Variants in PROS1 observed in about 807,000 individuals in gnomAD.
PROS1 encodes the protein vitamin K-dependent protein S.
A neutral mutation model predicts 75.9 loss-of-function variants in PROS1; 29 were observed. The ratio of observed to expected loss-of-function variants is 0.38; its 90% confidence interval spans 0.28 to 0.52. PROS1 has a LOEUF of 0.52. PROS1 is among the 20% of genes least tolerant of loss of function. The pLI is 0.83. For synonymous variants in PROS1, 245 were observed against 280.6 expected (o/e 0.87, Z 1.27); for missense variants, 680 against 810.3 (o/e 0.84, Z 1.95).
rs571772261 is a variant in PROS1 at position 93,884,868 on chromosome 3, C to T, written c.1352G>A (p.Arg451Gln). 2.0e-5 allele frequency: 33 copies of T among 1,613,084 alleles called. No individual in the cohort carries two copies. Among genetic ancestry groups the T allele is most frequent in the Admixed American group, 1.8e-4 (11 of 59,898 alleles). The stretch of plus-strand genomic sequence containing the variant: ...TCCTTGCTTCATCAAATTCCAGCTT[C>T]GTATACATCCATCTAGACGAGGGTT... ...PINPRLDGCI[R>Q]SWNLMKQGAS... Residue 451 changes from arginine to glutamine, a missense_variant, in exon 12 of 15, where the codon CGA (arginine) becomes CAA (glutamine). Physicochemically the swap from Arg to Gln is conservative, Grantham distance 43. Transcript: ENST00000394236.
At chr3:93,908,413 G>C (rs1485699116) in intron 4 of PROS1, among the ~76,000 whole-genome samples, 1 of 152,170 alleles carries the variant, frequency 6.6e-6, no homozygotes, top group South Asian at 2.1e-4. Context: ...CCTGGGTTGA[G>C]AAAACAAATA....
At chr3:93,932,346 C>T (rs187972373) in intron 1 of PROS1, among the ~76,000 whole-genome samples, 195 of 152,294 alleles carry the variant, frequency 1.3e-3, no homozygotes, top group African/African-American at 4.5e-3. Context: ...AGCATCCAAA[C>T]CCTGTCCTCT....
At chr3:93,955,562 A>G (rs1709584967) in intron 1 of PROS1, among the ~76,000 whole-genome samples, 1 of 150,662 alleles carries the variant, frequency 6.6e-6, no homozygotes. Context: ...AACATAACAC[A>G]GGACGGCCTG....
At chr3:93,913,309 G>C (rs1411147242) in intron 3 of PROS1, among the ~76,000 whole-genome samples, 1 of 152,232 alleles carries the variant, frequency 6.6e-6, no homozygotes, top group Non-Finnish European at 1.5e-5. Flanking sequence ...GGCAGGGCCA[G>C]GTGGAGATAA....
intron 1 of PROS1, among the ~76,000 whole-genome samples, chr3:93,942,803 C>T (rs1004686965): frequency 9.9e-5 from 15 of 152,184 alleles, no homozygotes; most frequent in African/African-American, 2.4e-4. Context: ...AATCACTTCT[C>T]AGTGTTCCAT....
chr3:93,936,259 T>C (rs758729525), intron 1 of PROS1, among the ~76,000 whole-genome samples: 3 of 151,960 alleles, frequency 2.0e-5, no homozygotes, highest in Non-Finnish European at 4.4e-5. Flanking sequence ...CTGATGACTA[T>C]TAAAGGGGGA....
intron 1 of PROS1, among the ~76,000 whole-genome samples, chr3:93,969,888 G>A (rs991518765): frequency 1.1e-4 from 16 of 152,188 alleles, no homozygotes; most frequent in South Asian, 2.1e-4. Context: ...TATATAGATC[G>A]CTCAAGCTGC....
chr3:93,911,939 A>G (rs993519590), intron 3 of PROS1, among the ~76,000 whole-genome samples: 3 of 152,236 alleles, frequency 2.0e-5, no homozygotes, highest in African/African-American at 7.2e-5. Context: ...GGAATGGAAG[A>G]CATTTTTAAA....
At chr3:93,933,431 T>C (rs1399927551) in intron 1 of PROS1, among the ~76,000 whole-genome samples, 2 of 151,782 alleles carry the variant, frequency 1.3e-5, no homozygotes, top group African/African-American at 4.8e-5. Context: ...AAAAAGTAGC[T>C]GGGCATGGTG....
chr3:93,876,486 G>A (rs982481986), intron 14 of PROS1, among the ~76,000 whole-genome samples: 7 of 151,090 alleles, frequency 4.6e-5, no homozygotes, highest in African/African-American at 1.7e-4. Context: ...CTACTCGGGA[G>A]GTTGAGGCAG....
rs186023503 is a variant in PROS1, at chr3:93,939,910, T to C, written c.77-12503A>G. On this transcript the variant is annotated intron_variant, in intron 1 of 14. Transcript: ENST00000394236. ...CTAACTTCACCTTCAAGGCATACAA[T>C]AATAGAGTTAGAGGCGGCCAAGTAG... is the stretch of plus-strand genomic sequence containing the variant. Among the ~76,000 whole-genome samples the C allele has an allele frequency of 1.1e-3, 167 of 150,678 alleles. 1 individual carries two copies. The highest frequency in any genetic ancestry group is 3.8e-3 in the African/African-American group (154 of 41,014).
chr3:93,880,938 A>T (rs1171658298), intron 12 of PROS1, among the ~76,000 whole-genome samples: 1 of 152,006 alleles, frequency 6.6e-6, no homozygotes, highest in African/African-American at 2.4e-5. Context: ...TTATAACTTT[A>T]AAAAAATCTT....
intron 1 of PROS1, among the ~76,000 whole-genome samples, chr3:93,964,704 G>C (rs1709761431): frequency 6.6e-6 from 1 of 152,076 alleles, no homozygotes; most frequent in Non-Finnish European, 1.5e-5. Context: ...CCTGCTCCCT[G>C]TTCTTACACC....
At chr3:93,941,535 C>T (rs1433026357) in intron 1 of PROS1, among the ~76,000 whole-genome samples, 1 of 152,184 alleles carries the variant, frequency 6.6e-6, no homozygotes, top group African/African-American at 2.4e-5. Context: ...GGAAATTTAG[C>T]TGACCCCATA....
intron 1 of PROS1, among the ~76,000 whole-genome samples, chr3:93,964,499 G>GA (rs1325082734): frequency 1.3e-5 from 2 of 152,106 alleles, no homozygotes; most frequent in East Asian, 3.9e-4. Flanking sequence ...CTAGGGTGGG[G>GA]AAAAAACCTC....
At chr3:93,936,956 A>G (rs1709193388) in intron 1 of PROS1, among the ~76,000 whole-genome samples, 1 of 152,230 alleles carries the variant, frequency 6.6e-6, no homozygotes, top group Non-Finnish European at 1.5e-5. Context: ...GGTAGGGGTC[A>G]TTATTAAATA....
intron 1 of PROS1, among the ~76,000 whole-genome samples, chr3:93,955,079 G>C (rs1709575792): frequency 6.6e-6 from 1 of 152,194 alleles, no homozygotes; most frequent in Non-Finnish European, 1.5e-5. Context: ...GGAAACAACA[G>C]GTGCTGGAGA....
intron 1 of PROS1, among the ~76,000 whole-genome samples, chr3:93,939,156 G>T (rs1358565371): frequency 6.6e-6 from 1 of 152,056 alleles, no homozygotes; most frequent in Non-Finnish European, 1.5e-5. Flanking sequence ...CTCGACAATT[G>T]TTCCAAATAG....
Position 93,924,803 on chromosome 3 carries a change from C to T in PROS1, c.235-539G>A, listed in dbSNP as rs183033450. On this transcript the variant is annotated intron_variant, in intron 2 of 14. Transcript: ENST00000394236. ...TCAGCCCCCCAAGTAGCTGGAACTA[C>T]AGGTACATGCCACCATGCACAGCTG... Among the ~76,000 whole-genome samples, 7 of 152,030 alleles carry T rather than the reference C, an allele frequency of 4.6e-5. No individual in the cohort carries two copies. The East Asian group carries it at 1.4e-3, about 30-fold the overall frequency.
Sources: gnomAD v4.1 joint callset for allele counts (sites outside exome capture counted in the v4.1 genomes callset) on GRCh38, gnomAD v4.1.1 for gene constraint, MANE v1.5 for transcripts, NCBI Gene and HGNC (gene_info 2026-07-23, HGNC 2026-07-21) for gene names.